Variants in ALPK2 observed in about 807,000 individuals in gnomAD.
ALPK2 encodes alpha kinase 2, also known as alpha-protein kinase 2.
Under a neutral mutation model 163.1 loss-of-function variants are expected in ALPK2, and 127 were observed. That is an observed-to-expected ratio of 0.78 (90% CI 0.67 to 0.90). The LOEUF is 0.90. ALPK2 is among the 40% of genes least tolerant of loss of function. The probability of loss-of-function intolerance (pLI) is 0.00; values close to 1 mark genes in which losing one functional copy is unlikely to be tolerated. For synonymous variants in ALPK2, 953 were observed against 959.1 expected, an observed-to-expected ratio of 0.99 and a Z score of 0.12; for missense variants, 2,360 against 2,589.6, an observed-to-expected ratio of 0.91 and a Z score of 1.92.
chr18:58,537,670 A>G lies in ALPK2; in HGVS notation c.2517T>C (p.Asp839=). 1 of 1,614,030 alleles carries G rather than the reference A, an allele frequency of 6.2e-7. No homozygotes were observed. Among genetic ancestry groups the G allele is most frequent in the Middle Eastern group, 1.7e-4 (1 of 6,058 alleles). The change falls in exon 5 of 13, where the codon GAT becomes GAC. Residue 839 remains aspartate, a synonymous_variant. Transcript: ENST00000361673. ...KYSPQEICSV[D]TELAEGQNKV... ...TGTTTTGACCTTCTGCCAGTTCCGT[A>G]TCTACAGAGCAAATTTCTTGAGGCG... is the stretch of plus-strand genomic sequence containing the variant.
intron 8 of ALPK2, among the ~76,000 whole-genome samples, chr18:58,518,821 C>T (rs1602197730): frequency 1.3e-5 from 2 of 152,324 alleles, no homozygotes; most frequent in Admixed American, 1.3e-4. Context: ...GTCCTTCCCT[C>T]TGCCCTGTCA....
In ALPK2 at chr18:58,536,966, C is replaced by A; in HGVS notation, c.3221G>T (p.Cys1074Phe). ...GACTCCTGGCACACTGGGTGCCCTG[C>A]AAAGTAGCTCTTTTGTAGATTTGAT... ...ATIKSTKELLCRAPSVPGVPH... is the reference protein window; with the variant it reads ...ATIKSTKELLFRAPSVPGVPH... Residue 1074 changes from cysteine to phenylalanine, a missense_variant, in exon 5 of 13, where the codon TGC becomes TTC. By Grantham distance (205) the Cys-to-Phe change is radical. Transcript: ENST00000361673. The A allele has an allele frequency of 6.2e-7, 1 of 1,614,180 alleles. No individual in the cohort carries two copies. The highest frequency in any genetic ancestry group is 1.1e-5 in the South Asian group (1 of 91,080).
chr18:58,573,610 CTTCTTT>C (rs1487090469), intron 4 of ALPK2, among the ~76,000 whole-genome samples: 2 of 32,728 alleles, frequency 6.1e-5, no homozygotes, highest in African/African-American at 2.6e-4. Context: ...CCATTTTTGT[CTTCTTT>C]TTTTTTTTTT....
chr18:58,554,764 T>C (rs2144168890), intron 4 of ALPK2, among the ~76,000 whole-genome samples: 1 of 152,310 alleles, frequency 6.6e-6, no homozygotes, highest in African/African-American at 2.4e-5. Flanking sequence ...ACCAGCTTGA[T>C]ATGGTTTGGC....
intron 3 of ALPK2, among the ~76,000 whole-genome samples, chr18:58,589,958 C>T: frequency 6.6e-6 from 1 of 152,190 alleles, no homozygotes; most frequent in East Asian, 1.9e-4. Flanking sequence ...TGGCTCATGC[C>T]TGTAATCCCA....
chr18:58,537,963 T>C lies in ALPK2; in HGVS notation c.2224A>G (p.Ser742Gly), dbSNP rs771487926. Residue 742 changes from serine to glycine, a missense_variant, in exon 5 of 13, where the codon AGC (serine) becomes GGC (glycine). Physicochemically the swap from Ser to Gly is moderately conservative, Grantham distance 56. Coordinates refer to ENST00000361673, the MANE Select transcript of ALPK2 (RefSeq NM_052947.4). The part of the protein sequence containing the change: ...NFREDLKYEQ[S>G]ISEANDETMS... ...GTCTCATCATTGGCTTCTGAGATGCTCTGCTCATATTTTAGGTCTTCCCTG... is the reference window on the plus strand; with the variant it reads ...GTCTCATCATTGGCTTCTGAGATGCCCTGCTCATATTTTAGGTCTTCCCTG... 2.7e-5 allele frequency: 44 copies of C among 1,614,256 alleles called. No homozygotes were observed. In the South Asian group the frequency reaches 4.4e-4, roughly 16 times the overall value.
intron 12 of ALPK2, among the ~76,000 whole-genome samples, chr18:58,484,770 A>AATG (rs1272972874): frequency 1.3e-5 from 2 of 151,694 alleles, no homozygotes; most frequent in Admixed American, 1.3e-4. Context: ...TAATAATAAT[A>AATG]ATGCCCATAG....
intron 4 of ALPK2, among the ~76,000 whole-genome samples, chr18:58,560,879 T>C (rs2144176252): frequency 6.6e-6 from 1 of 152,378 alleles, no homozygotes; most frequent in African/African-American, 2.4e-5. Context: ...AGATGCTGAC[T>C]TTCCAGATCT....
intron 10 of ALPK2, among the ~76,000 whole-genome samples, chr18:58,508,912 T>C (rs975260872): frequency 6.6e-6 from 1 of 152,042 alleles, no homozygotes; most frequent in African/African-American, 2.4e-5. Context: ...ACTTTAAGTT[T>C]TAGGGTACAT....
rs549535934 is a variant in ALPK2, at chr18:58,518,942, A to G, written c.5666-1760T>C. Among the ~76,000 whole-genome samples the G allele has an allele frequency of 7.2e-5, 11 of 152,356 alleles. No homozygotes were observed. The South Asian group carries it at 2.1e-3, about 29-fold the overall frequency. ...TCTCCCATGTATATATGAATTATAC[A>G]TGTTCATAAACTTGTTTGATTTCTC... is the stretch of plus-strand genomic sequence containing the variant. On this transcript the variant is annotated intron_variant, in intron 8 of 12. Transcript: ENST00000361673.
chr18:58,592,608 G>A (rs1339495157), intron 3 of ALPK2, among the ~76,000 whole-genome samples: 1 of 152,212 alleles, frequency 6.6e-6, no homozygotes, highest in Non-Finnish European at 1.5e-5. Context: ...GCAGTGGGTG[G>A]GGAGGAGCTC....
At chr18:58,502,311 C>T (rs1327543036) in intron 11 of ALPK2, among the ~76,000 whole-genome samples, 6 of 152,058 alleles carry the variant, frequency 3.9e-5, no homozygotes, top group East Asian at 3.8e-4. Context: ...GCTGTGTTTG[C>T]GCCACTGCAC....
chr18:58,594,092 C>A (rs1213277783), intron 3 of ALPK2, among the ~76,000 whole-genome samples: 2 of 151,780 alleles, frequency 1.3e-5, no homozygotes, highest in African/African-American at 2.4e-5. Flanking sequence ...GACTCTTGTA[C>A]AATAGCGAAC....
intron 4 of ALPK2, among the ~76,000 whole-genome samples, chr18:58,570,693 GT>G (rs1397951052): frequency 6.6e-6 from 1 of 152,210 alleles, no homozygotes; most frequent in Non-Finnish European, 1.5e-5. Flanking sequence ...CCGGCTTTCT[GT>G]TTAAATCAGT....
chr18:58,485,499 C>A (rs938350639), intron 12 of ALPK2, among the ~76,000 whole-genome samples: 2 of 152,196 alleles, frequency 1.3e-5, no homozygotes, highest in Admixed American at 1.3e-4. Context: ...GACTGCTCTG[C>A]CCCTGGGAGC....
At chr18:58,581,171 T>C (rs1430796943) in intron 3 of ALPK2, among the ~76,000 whole-genome samples, 1 of 152,210 alleles carries the variant, frequency 6.6e-6, no homozygotes, top group Non-Finnish European at 1.5e-5. Context: ...GTTACGGGAA[T>C]TTGAAAAAGC....
intron 1 of ALPK2, among the ~76,000 whole-genome samples, 153 bp downstream of exon 1, chr18:58,628,611 A>G (rs1211320211): frequency 6.6e-6 from 1 of 152,246 alleles, no homozygotes; most frequent in African/African-American, 2.4e-5. Context: ...AAAACCTTAT[A>G]TGCCCAAATA....
At chr18:58,613,364 A>G (rs2052144762) in intron 1 of ALPK2, among the ~76,000 whole-genome samples, 1 of 152,120 alleles carries the variant, frequency 6.6e-6, no homozygotes, top group African/African-American at 2.4e-5. Flanking sequence ...AAACAGGATT[A>G]AGGATTTTAA....
intron 8 of ALPK2, among the ~76,000 whole-genome samples, chr18:58,517,768 T>TA (rs2051530136): frequency 6.6e-6 from 1 of 152,158 alleles, no homozygotes; most frequent in South Asian, 2.1e-4. Context: ...TTGGTAGCAA[T>TA]ACTGCCTCCA....
Sources: allele counts gnomAD v4.1 joint callset (sites outside exome capture counted in the v4.1 genomes callset), GRCh38; gene constraint gnomAD v4.1.1; transcripts MANE v1.5; gene names NCBI Gene and HGNC (gene_info 2026-07-23, HGNC 2026-07-21).